ADAP1: variants seen among roughly 807,000 people sequenced by gnomAD.
ADAP1 encodes arf-GAP with dual PH domain-containing protein 1.
A neutral mutation model predicts 54.9 loss-of-function variants in ADAP1; 31 were observed. That is an observed-to-expected ratio of 0.56 (90% CI 0.42 to 0.76). The LOEUF is 0.76. Among genes scored for constraint, ADAP1 ranks in the 30% least tolerant of loss-of-function variants. The pLI is 0.00. For missense variants in ADAP1, 535 were observed against 512.4 expected, an observed-to-expected ratio of 1.04 and a Z score of -0.42; for synonymous variants, 313 against 202.6, an observed-to-expected ratio of 1.55 and a Z score of -4.63.
At position 947,905 on chromosome 7, in the gene ADAP1, C is replaced by T. The variant is rs560489942; in HGVS notation, c.82+6491G>A. On this transcript the variant is annotated intron_variant, in intron 1 of 10. Transcript: ENST00000265846. ...ACAGCCACCTCTGACCCCGTCTCCC[C>T]GCCCTGGCTCTGGGCACACTGGCCT... 2.6e-3 allele frequency among the ~76,000 whole-genome samples: 379 copies of T among 148,436 alleles called. 2 individuals carry two copies. The highest frequency in any genetic ancestry group is 3.4e-3 in the Middle Eastern group (1 of 294).
rs139606251 is a variant in ADAP1, at chr7:899,209, G to A, written c.920C>T (p.Thr307Met). The A allele has an allele frequency of 6.6e-5, 107 of 1,612,530 alleles. No individual in the cohort carries two copies. Among genetic ancestry groups the A allele is most frequent in the African/African-American group, 9.3e-5 (7 of 74,936 alleles). The change falls in exon 10 of 11, where the codon ACG becomes ATG. Residue 307 changes from threonine to methionine, a missense_variant. By Grantham distance (81) the Thr-to-Met change is moderately conservative (BLOSUM62 -1). Coordinates refer to ENST00000265846, the MANE Select transcript of ADAP1 (RefSeq NM_006869.4). ...VFIGSKESGY[T>M]VLHGFPPSTQ... ...GGACGGCGGGAACCCATGCAGCACC[G>A]TGTAGCCACTCTCCTTGCTGCCAAT...
At chr7:936,325 C>G (rs931998563) in intron 1 of ADAP1, among the ~76,000 whole-genome samples, 2 of 152,104 alleles carry the variant, frequency 1.3e-5, no homozygotes, top group African/African-American at 4.8e-5. Context: ...CTTAGCCTCC[C>G]GAGTAGCGAG....
intron 4 of ADAP1, among the ~76,000 whole-genome samples, chr7:907,057 CTCCCTCA>C (rs1468062147): frequency 6.6e-6 from 1 of 152,140 alleles, no homozygotes; most frequent in Non-Finnish European, 1.5e-5. Context: ...CTCCTCCCTC[CTCCCTCA>C]GCCGTCCGCA....
intron 2 of ADAP1, among the ~76,000 whole-genome samples, chr7:933,565 GTCA>G (rs1846656942): frequency 4.1e-5 from 5 of 121,978 alleles, no homozygotes; most frequent in South Asian, 2.7e-4. Flanking sequence ...GGGGGCCGGG[GTCA>G]GTGGTGGTGC....
chr7:906,245 AAG>A (rs1366043170), intron 4 of ADAP1, among the ~76,000 whole-genome samples: 1 of 5,506 alleles, frequency 1.8e-4, no homozygotes, highest in Non-Finnish European at 2.8e-4. Context: ...AGAAAGGAGA[AAG>A]GGAGAAAGGA....
chr7:901,075 C>T (rs1474870876), intron 6 of ADAP1: 5 of 469,688 alleles, frequency 1.1e-5, no homozygotes, highest in African/African-American at 6.0e-5. Flanking sequence ...TTATAAACGC[C>T]CTTGGAGCTG....
chr7:911,824 A>G (rs1295856808), intron 4 of ADAP1, among the ~76,000 whole-genome samples: 2 of 151,732 alleles, frequency 1.3e-5, no homozygotes, highest in East Asian at 3.9e-4. Flanking sequence ...GGACCCACGG[A>G]GGGCCAGGAG....
chr7:900,867 A>G, intron 6 of ADAP1: 1 of 176,164 alleles, frequency 5.7e-6, no homozygotes, highest in Admixed American at 7.0e-5. Flanking sequence ...AGTCCTGAGA[A>G]GGGCCGAAGG....
intron 3 of ADAP1, among the ~76,000 whole-genome samples, chr7:923,873 C>A (rs1005847392): frequency 6.6e-6 from 1 of 152,176 alleles, no homozygotes; most frequent in Non-Finnish European, 1.5e-5. Context: ...TGGGCACCAG[C>A]GCTGCTGGGG....
Position 926,928 on chromosome 7 carries a change from C to G in ADAP1, c.214-284G>C. On this transcript the variant is annotated intron_variant, in intron 2 of 10. Transcript: ENST00000265846. This position sits in a 1 kb window ranked among gnomAD's most constrained non-coding sequence, Gnocchi z 4.6. ...TTTTGAGGATGGGTCTGAGGTTTGC[C>G]CCACCGTTTCAACCCCCAAGTCCAC... The G allele has an allele frequency of 8.2e-7, 1 of 1,217,362 alleles. No individual in the cohort carries two copies. 75.4% of individuals were successfully genotyped at this position (1,217,362 alleles called of 1,614,324 possible).
intron 2 of ADAP1, chr7:927,653 G>A (rs1342970223): frequency 5.6e-6 from 2 of 355,854 alleles, no homozygotes; most frequent in Non-Finnish European, 1.1e-5. Context: ...AAAACCAATG[G>A]CTTTTCCATA....
At chr7:947,927 G>A (rs1349737061) in intron 1 of ADAP1, among the ~76,000 whole-genome samples, 1 of 150,968 alleles carries the variant, frequency 6.6e-6, no homozygotes, top group Non-Finnish European at 1.5e-5. Context: ...GGGCACACTG[G>A]CCTCCTCACT....
chr7:915,131 G>A (rs1045235453), intron 4 of ADAP1, among the ~76,000 whole-genome samples: 1 of 53,138 alleles, frequency 1.9e-5, no homozygotes, highest in Admixed American at 1.8e-4. Context: ...CGCAGTCTAC[G>A]ACCCCATGCC....
chr7:921,685 C>T (rs752218617), intron 3 of ADAP1, among the ~76,000 whole-genome samples: 4 of 152,168 alleles, frequency 2.6e-5, no homozygotes, highest in Non-Finnish European at 5.9e-5. Context: ...CGGGGGACAC[C>T]GTGCAGCTGC....
At chr7:901,738 G>T (rs1373224862) in intron 6 of ADAP1, among the ~76,000 whole-genome samples, 6 of 145,050 alleles carry the variant, frequency 4.1e-5, no homozygotes, top group African/African-American at 1.5e-4. Flanking sequence ...CACCCAACCA[G>T]CCCGAGGCCC....
chr7:914,555 C>T (rs538134591), intron 4 of ADAP1, among the ~76,000 whole-genome samples: 47 of 152,296 alleles, frequency 3.1e-4, no homozygotes, highest in African/African-American at 1.1e-3. Context: ...CAGACATGGG[C>T]TCAGGGTGGG....
intron 4 of ADAP1, among the ~76,000 whole-genome samples, chr7:918,909 G>C (rs1191329542): frequency 2.0e-5 from 3 of 152,122 alleles, no homozygotes; most frequent in African/African-American, 7.2e-5. Context: ...GCCAGGAGAA[G>C]CAGGAGTTGG....
chr7:937,930 G>A (rs930322594), intron 1 of ADAP1, among the ~76,000 whole-genome samples: 1 of 152,132 alleles, frequency 6.6e-6, no homozygotes, highest in African/African-American at 2.4e-5. Context: ...AGCTCAGTCC[G>A]GAGCAGGTCT....
chr7:950,244 G>A (rs1034257910), intron 1 of ADAP1, among the ~76,000 whole-genome samples: 1 of 152,104 alleles, frequency 6.6e-6, no homozygotes, highest in Non-Finnish European at 1.5e-5. Flanking sequence ...CCAGCACTTC[G>A]GGAGGCCGAG....
Sources: gnomAD v4.1 joint callset for allele counts (sites outside exome capture counted in the v4.1 genomes callset) on GRCh38, gnomAD v4.1.1 for gene constraint, Gnocchi (gnomAD v3.1) non-coding constraint, MANE v1.5 for transcripts, NCBI Gene and HGNC (gene_info 2026-07-23, HGNC 2026-07-21) for gene names.